The following DVL1 variants were observed in gnomAD, a reference collection of about 807,000 sequenced individuals.
DVL1 encodes the protein segment polarity protein dishevelled homolog DVL-1.
In DVL1, 49 loss-of-function variants were observed where a neutral mutation model predicts 65.0. The ratio of observed to expected loss-of-function variants is 0.75; its 90% CI spans 0.60 to 0.96. DVL1 has a LOEUF of 0.96. Among genes scored for constraint, DVL1 ranks in the 40% least tolerant of loss-of-function variants. The pLI is 0.00. For synonymous variants in DVL1, 608 were observed against 433.9 expected (o/e 1.40, Z -4.99); for missense variants, 1,197 against 1,045.4 (o/e 1.15, Z -2.00).
At position 1,336,530 on chromosome 1, in the gene DVL1, A is replaced by G. The variant is rs926897012; in HGVS notation, c.1715-15T>C. 25 of 1,493,142 alleles carry G rather than the reference A, an allele frequency of 1.7e-5. No individual in the cohort carries two copies. The East Asian group carries it at 4.3e-4, about 25-fold the overall frequency. 92.5% of individuals were successfully genotyped at this position (1,493,142 alleles called of 1,614,324 possible). A position where few individuals can be genotyped will look rare whatever the true frequency, so the allele number is the denominator to read the frequency against. On this transcript the variant is annotated splice_polypyrimidine_tract_variant and intron_variant, in intron 14 of 14. Coordinates refer to ENST00000378888, the MANE Select transcript of DVL1 (RefSeq NM_001330311.2). ...GCTTTTGCTCCCTGGGAGTGAGAACAGGATGGGGAAGGAGCCTGTCAGCAC... is the reference window on the plus strand; with the variant it reads ...GCTTTTGCTCCCTGGGAGTGAGAACGGGATGGGGAAGGAGCCTGTCAGCAC...
At chr1:1,347,351 G>A (rs950184677) in intron 1 of DVL1, among the ~76,000 whole-genome samples, 16 of 152,068 alleles carry the variant, frequency 1.1e-4, no homozygotes, top group Admixed American at 1.3e-4. Flanking sequence ...TCCCAGGCCC[G>A]GGCACCCACG....
chr1:1,339,817 A>AGGGGTGGGGATT lies in DVL1; in HGVS notation c.910-17_910-6dup, dbSNP rs781723063. On this transcript the variant is annotated splice_polypyrimidine_tract_variant and splice_region_variant and intron_variant, in intron 8 of 14. Coordinates refer to ENST00000378888, the MANE Select transcript of DVL1 (RefSeq NM_001330311.2). ...CTCAAAGTTCACGTCATTCACCTGC[A>AGGGGTGGGGATT]GGGGTGGGGATTAGGGTGGTGCAGG... The AGGGGTGGGGATT allele has an allele frequency of 6.8e-5, 109 of 1,606,878 alleles. 1 individual carries two copies. The South Asian group carries it at 1.1e-3, about 17-fold the overall frequency.
rs777561432 is a variant in DVL1 at position 1,342,041 on chromosome 1, T to C, written c.466+12A>G. The C allele has an allele frequency of 1.3e-6, 2 of 1,559,380 alleles. No individual in the cohort carries two copies. Among genetic ancestry groups the C allele is most frequent in the Non-Finnish European group, 1.7e-6 (2 of 1,150,190 alleles). ...CTGGGGGTCCACAGCTGGGCAGACA[T>C]GACCACTGTACCCTCCTCGCGGTTC... On this transcript the variant is annotated intron_variant, in intron 4 of 14. Coordinates refer to ENST00000378888, the MANE Select transcript of DVL1 (RefSeq NM_001330311.2).
intron 1 of DVL1, among the ~76,000 whole-genome samples, chr1:1,348,418 G>A (rs540916460): frequency 2.0e-5 from 3 of 152,142 alleles, no homozygotes; most frequent in African/African-American, 7.2e-5. Context: ...CAAGGACCCT[G>A]CAGAAGGGGG....
intron 6 of DVL1, 41 bp from the exon 7 acceptor site, chr1:1,340,357 C>T: frequency 6.2e-7 from 1 of 1,613,482 alleles, no homozygotes; most frequent in East Asian, 2.2e-5. Flanking sequence ...CACGGGGCTG[C>T]CCGACACTGA....
At position 1,336,457 on chromosome 1, in the gene DVL1, C is replaced by G. The variant is rs1206960893; in HGVS notation, c.1773G>C (p.Glu591Asp). Residue 591 changes from glutamate to aspartate, a missense_variant, in exon 15 of 15, where the codon GAG becomes GAC. Coordinates refer to ENST00000378888, the MANE Select transcript of DVL1 (RefSeq NM_001330311.2). Reference protein sequence around the residue: ...SSRRAPGREKERRAAGAGGSG... With the variant: ...SSRRAPGREKDRRAAGAGGSG... Reference sequence around the variant, plus strand: ...TGCCCCCAGCTCCCGCCGCCCGACGCTCCTTCTCACGGCCCGGGGCCCGGC... The same window carrying G: ...TGCCCCCAGCTCCCGCCGCCCGACGGTCCTTCTCACGGCCCGGGGCCCGGC... 6.4e-7 allele frequency: 1 copy of G among 1,568,308 alleles called. No individual in the cohort carries two copies. The highest frequency in any genetic ancestry group is 2.3e-5 in the East Asian group (1 of 43,888).
chr1:1,338,103 C>A lies in DVL1; in HGVS notation c.1588G>T (p.Ala530Ser). 2 of 1,609,728 alleles carry A rather than the reference C, an allele frequency of 1.2e-6. No individual in the cohort carries two copies. The highest frequency in any genetic ancestry group is 1.7e-6 in the Non-Finnish European group (2 of 1,178,662). ...DTLAPLPHPAAPWPLGQGYPY... is the reference protein window; with the variant it reads ...DTLAPLPHPASPWPLGQGYPY... ...TAGCCCTGACCCAGAGGCCAGGGGG[C>A]AGCCGGGTGGGGCAGCGGGGCCAGC... is the stretch of plus-strand genomic sequence containing the variant. The change falls in exon 14 of 15, where the codon GCC becomes TCC. Residue 530 changes from alanine (A) to serine (S), a missense_variant. Coordinates refer to ENST00000378888, the MANE Select transcript of DVL1 (RefSeq NM_001330311.2).
At chr1:1,347,501 T>C (rs1003158234) in intron 1 of DVL1, among the ~76,000 whole-genome samples, 1 of 152,220 alleles carries the variant, frequency 6.6e-6, no homozygotes, top group Non-Finnish European at 1.5e-5. Context: ...TCCCAGAGCA[T>C]GGTCCAGGAG....
In DVL1 at chr1:1,340,511, C is replaced by CA; in HGVS notation, c.606-9dup. ...TCCGTGGAGCTGCTGAGCCTGGGAA[C>CA]AGACTGTCAGAGCTCAGAGGAGCTG... On this transcript the variant is annotated splice_polypyrimidine_tract_variant and intron_variant, in intron 5 of 14. Transcript: ENST00000378888. 1 of 1,593,502 alleles carries CA rather than the reference C, an allele frequency of 6.3e-7. No individual in the cohort carries two copies. Among genetic ancestry groups the CA allele is most frequent in the Non-Finnish European group, 8.5e-7 (1 of 1,170,104 alleles).
intron 1 of DVL1, among the ~76,000 whole-genome samples, chr1:1,346,180 T>C (rs986938887): frequency 6.6e-6 from 1 of 151,828 alleles, no homozygotes; most frequent in Non-Finnish European, 1.5e-5. Flanking sequence ...CCCAACTCCA[T>C]AGCTCCCCAC....
intron 5 of DVL1, among the ~76,000 whole-genome samples, 188 bp downstream of exon 5, chr1:1,341,479 A>G (rs1051216085): frequency 3.3e-5 from 5 of 151,908 alleles, no homozygotes; most frequent in African/African-American, 1.2e-4. Context: ...TGCACAGTGA[A>G]AACACCTCAT....
chr1:1,340,316 C>T lies in DVL1; in HGVS notation c.700G>A (p.Ala234Thr), dbSNP rs1183701299. The change falls in exon 7 of 15, where the codon GCC (alanine) becomes ACC (threonine). Residue 234 changes from alanine to threonine, a missense_variant and splice_region_variant. Transcript: ENST00000378888. ...RKQRLRQADR[A>T]SSFSSITDST... ...TCGGTTATGCTGCTGAAGGAGGAGG[C>T]CTATGGAGGAGAGGGGGCGTGTGTA... 3.1e-6 allele frequency: 5 copies of T among 1,613,934 alleles called. No homozygotes were observed. Among genetic ancestry groups the T allele is most frequent in the Non-Finnish European group, 4.2e-6 (5 of 1,179,976 alleles).
rs554042814 is a variant in DVL1 at position 1,342,837 on chromosome 1, C to T, written c.171-79G>A. Reference sequence around the variant, plus strand: ...CTAGAGGTGAGGCCTGGAGAGCAGGCGCTCCTCCTGCCCACACAATGTCAC... The same window carrying T: ...CTAGAGGTGAGGCCTGGAGAGCAGGTGCTCCTCCTGCCCACACAATGTCAC... On this transcript the variant is annotated intron_variant, in intron 1 of 14. Transcript: ENST00000378888. 1.2e-5 allele frequency: 17 copies of T among 1,410,724 alleles called. No individual in the cohort carries two copies. The East Asian group carries it at 3.5e-4, about 29-fold the overall frequency. The allele number at this position is 1,410,724 out of a possible 1,614,324, so 87.4% of individuals were successfully genotyped here.
chr1:1,346,653 T>G (rs1008243683), intron 1 of DVL1, among the ~76,000 whole-genome samples: 6 of 152,310 alleles, frequency 3.9e-5, no homozygotes, highest in South Asian at 2.1e-4. Context: ...CACGTGGTTG[T>G]GGCCATGACA....
rs748985130 is a variant in DVL1, at chr1:1,338,428, C to T, written c.1348G>A (p.Val450Met). 3.1e-6 allele frequency: 5 copies of T among 1,610,652 alleles called. No individual in the cohort carries two copies. The highest frequency in any genetic ancestry group is 2.7e-5 in the African/African-American group (2 of 75,008). ...TIANAVIGAD[V>M]VDWLYTHVEG... ...ACGTGTGTGTACAGCCAGTCCACCA[C>T]GTCCGCCCCTGGCCGGCACCAGCGG... Residue 450 changes from valine to methionine, a missense_variant, in exon 13 of 15, where the codon GTG (valine) becomes ATG (methionine). Coordinates refer to ENST00000378888, the MANE Select transcript of DVL1 (RefSeq NM_001330311.2).
At chr1:1,346,765 G>C (rs1446948747) in intron 1 of DVL1, among the ~76,000 whole-genome samples, 1 of 152,146 alleles carries the variant, frequency 6.6e-6, no homozygotes, top group African/African-American at 2.4e-5. Context: ...AGGAACCCCC[G>C]ACTCACCAGG....
chr1:1,340,956 CACACT>C (rs1269889190), intron 5 of DVL1, among the ~76,000 whole-genome samples: 1 of 148,152 alleles, frequency 6.7e-6, no homozygotes, highest in African/African-American at 2.5e-5. Context: ...CGCACCCCTG[CACACT>C]ACACACCTGC....
Position 1,339,652 on chromosome 1 carries a change from G to A in DVL1, c.987-3C>T, listed in dbSNP as rs769007055. The A allele has an allele frequency of 2.5e-6, 4 of 1,611,320 alleles. No individual in the cohort carries two copies. In the South Asian group the frequency reaches 3.3e-5, roughly 13 times the overall value. On this transcript the variant is annotated splice_region_variant and splice_polypyrimidine_tract_variant and intron_variant, in intron 9 of 14. Coordinates refer to ENST00000378888, the MANE Select transcript of DVL1 (RefSeq NM_001330311.2). Reference sequence around the variant, plus strand: ...TGGCCACAGTGAGGCTGATGGGCCTGCAGGAACGGTGGTCACACAGCAAGG... The same window carrying A: ...TGGCCACAGTGAGGCTGATGGGCCTACAGGAACGGTGGTCACACAGCAAGG...
At chr1:1,348,354 G>A (rs1010867122) in intron 1 of DVL1, among the ~76,000 whole-genome samples, 2 of 152,216 alleles carry the variant, frequency 1.3e-5, no homozygotes, top group African/African-American at 2.4e-5. Context: ...TCAGGACACG[G>A]GTAGGCGAAT....
Sources: allele counts gnomAD v4.1 joint callset (sites outside exome capture counted in the v4.1 genomes callset), GRCh38; gene constraint gnomAD v4.1.1; transcripts MANE v1.5; gene names NCBI Gene and HGNC (gene_info 2026-07-23, HGNC 2026-07-21).